Variants in ZNF292 observed in about 807,000 individuals in gnomAD.
ZNF292 encodes the protein 16 zinc-finger domain protein.
In ZNF292, 26 loss-of-function variants were observed where a neutral mutation model predicts 217.9. The observed-to-expected ratio is 0.12, with a 90% CI of 0.09 to 0.17. ZNF292 has a LOEUF of 0.17. Ranked by LOEUF, ZNF292 falls within the 10% of genes least tolerant of loss-of-function variation. The probability of loss-of-function intolerance (pLI) is 1.00; values close to 1 mark genes in which losing one functional copy is unlikely to be tolerated. For missense variants in ZNF292, 2,904 were observed against 3,175.2 expected, an observed-to-expected ratio of 0.91 and a Z score of 2.05; for synonymous variants, 1,257 against 1,124.1, an observed-to-expected ratio of 1.12 and a Z score of -2.37.
intron 7 of ZNF292, among the ~76,000 whole-genome samples, chr6:87,248,904 A>T (rs1774748222): frequency 6.6e-6 from 1 of 152,216 alleles, no homozygotes; most frequent in South Asian, 2.1e-4. Context: ...TGCATTGTCC[A>T]TTATGGTAGT....
At chr6:87,194,137 C>A (rs951513284) in intron 1 of ZNF292, among the ~76,000 whole-genome samples, 1 of 151,998 alleles carries the variant, frequency 6.6e-6, no homozygotes, top group Admixed American at 6.6e-5. Flanking sequence ...AGAAAAGGCA[C>A]AGCTATCAGA....
intron 1 of ZNF292, among the ~76,000 whole-genome samples, chr6:87,164,031 G>A (rs1582366926): frequency 1.3e-5 from 2 of 152,176 alleles, no homozygotes; most frequent in South Asian, 2.1e-4. Flanking sequence ...CCCTTGTTTC[G>A]CCCACCTCGC....
In ZNF292 at chr6:87,258,327, C is replaced by G; in HGVS notation, c.4698C>G (p.Ser1566Arg). The change falls in exon 8 of 8, where the codon AGC becomes AGG. Residue 1566 changes from serine (S) to arginine (R), a missense_variant. Around this residue, in one of 15 missense-constraint regions of ZNF292, gnomAD observed 622 missense variants for 573.1 expected, o/e 1.09. Coordinates refer to ENST00000369577, the MANE Select transcript of ZNF292 (RefSeq NM_015021.3). ...SKTSSIEECS[S>R]LPVFPTNDLL... ...CTTCCTCCATTGAGGAATGTAGCAG[C>G]TTGCCTGTTTTTCCAACGAATGACT... 2 of 1,613,628 alleles carry G rather than the reference C, an allele frequency of 1.2e-6. No homozygotes were observed. Among genetic ancestry groups the G allele is most frequent in the Non-Finnish European group, 1.7e-6 (2 of 1,179,750 alleles).
At chr6:87,229,680 C>T (rs1171980582) in intron 4 of ZNF292, among the ~76,000 whole-genome samples, 1 of 152,188 alleles carries the variant, frequency 6.6e-6, no homozygotes, top group African/African-American at 2.4e-5. Flanking sequence ...CCTGCCTTGG[C>T]CTCCCAAAGT....
Position 87,187,275 on chromosome 6 carries a change from A to G in ZNF292, c.169-28628A>G, listed in dbSNP as rs148289918. Among the ~76,000 whole-genome samples the G allele has an allele frequency of 7.8e-3, 1,192 of 152,302 alleles. 11 individuals are homozygous for G. Among genetic ancestry groups the G allele is most frequent in the African/African-American group, 0.027 (1,121 of 41,550 alleles). On this transcript the variant is annotated intron_variant, in intron 1 of 7. Transcript: ENST00000369577. ...TAAAGTTTAAAAGAAAATCTTGTTC[A>G]GTAACTCACTTTACTAAATCTCTGT...
At chr6:87,236,365 C>T (rs1407446229) in intron 5 of ZNF292, among the ~76,000 whole-genome samples, 2 of 150,458 alleles carry the variant, frequency 1.3e-5, no homozygotes, top group African/African-American at 4.9e-5. Context: ...ATAGAAATAG[C>T]AGCTAGTTGA....
At chr6:87,217,151 C>T (rs1360772772) in intron 3 of ZNF292, among the ~76,000 whole-genome samples, 1 of 151,896 alleles carries the variant, frequency 6.6e-6, no homozygotes, top group Admixed American at 6.6e-5. Context: ...TATCTTTAGG[C>T]CTTAAGATTT....
chr6:87,246,302 C>T (rs1774579690), intron 7 of ZNF292, among the ~76,000 whole-genome samples: 1 of 152,220 alleles, frequency 6.6e-6, no homozygotes, highest in African/African-American at 2.4e-5. Context: ...CTAGGTTCCT[C>T]TGCTAGCAGA....
At chr6:87,228,909 C>G (rs1773509846) in intron 4 of ZNF292, among the ~76,000 whole-genome samples, 1 of 151,794 alleles carries the variant, frequency 6.6e-6, no homozygotes, top group African/African-American at 2.4e-5. Flanking sequence ...CTTAAAGATT[C>G]TATATGAATT....
In ZNF292 at chr6:87,245,601, C is replaced by T; in HGVS notation, c.977C>T (p.Thr326Ile). 6.5e-7 allele frequency: 1 copy of T among 1,536,610 alleles called. No individual in the cohort carries two copies. Among genetic ancestry groups the T allele is most frequent in the African/African-American group, 1.4e-5 (1 of 72,740 alleles). Reference sequence around the variant, plus strand: ...CGTCAACTTTCTTTGTTAACGAAAACAGTATATCACATTTTCTTCCTGATT... The same window carrying T: ...CGTCAACTTTCTTTGTTAACGAAAATAGTATATCACATTTTCTTCCTGATT... Reference protein sequence around the residue: ...RCRQLSLLTKTVYHIFFLIKV... With the variant: ...RCRQLSLLTKIVYHIFFLIKV... Residue 326 changes from threonine to isoleucine, a missense_variant, in exon 7 of 8, where the codon ACA becomes ATA. Around this residue, in one of 15 missense-constraint regions of ZNF292, gnomAD observed 313 missense variants for 451.0 expected, o/e 0.69. Coordinates refer to ENST00000369577, the MANE Select transcript of ZNF292 (RefSeq NM_015021.3).
In ZNF292 at chr6:87,243,519, C is replaced by T; in HGVS notation, c.786C>T (p.Asn262=). The T allele has an allele frequency of 1.3e-6, 2 of 1,555,724 alleles. No homozygotes were observed. Among genetic ancestry groups the T allele is most frequent in the Non-Finnish European group, 1.7e-6 (2 of 1,149,552 alleles). Residue 262 remains asparagine, a synonymous_variant, in exon 6 of 8, where the codon AAC becomes AAT. Transcript: ENST00000369577. ...AAGATGCACTGGAAATGATCTGTAA[C>T]TTAGAATCTGAGGGTGATGAAAAAA... ...DCKDALEMIC[N]LESEGDEKSA... is the part of the protein sequence containing the mutation.
intron 1 of ZNF292, among the ~76,000 whole-genome samples, chr6:87,201,142 C>CT (rs1238097701): frequency 6.6e-6 from 1 of 152,042 alleles, no homozygotes; most frequent in African/African-American, 2.4e-5. Flanking sequence ...CCGAGGTAGA[C>CT]TTATATTTAT....
rs148896435 is a variant in ZNF292, at chr6:87,185,940, C to T, written c.169-29963C>T. ...CACCTCCCTCCAGAAACCTCATGCA[C>T]GTTCGGCTCTCCAGAAATTCCTGAA... is the stretch of plus-strand genomic sequence containing the variant. On this transcript the variant is annotated intron_variant, in intron 1 of 7. Coordinates refer to ENST00000369577, the MANE Select transcript of ZNF292 (RefSeq NM_015021.3). 2.4e-4 allele frequency among the ~76,000 whole-genome samples: 37 copies of T among 152,288 alleles called. No homozygotes were observed. In the East Asian group the frequency reaches 6.4e-3, roughly 26 times the overall value.
rs183739255 is a variant in ZNF292, at chr6:87,231,803, A to C, written c.539-1522A>C. On this transcript the variant is annotated intron_variant, in intron 4 of 7. Coordinates refer to ENST00000369577, the MANE Select transcript of ZNF292 (RefSeq NM_015021.3). ...TGTTGATTGTGACTTTTTTGTGAGAATATTTGCAATAATTCCCAGACTTTG... is the reference window on the plus strand; with the variant it reads ...TGTTGATTGTGACTTTTTTGTGAGACTATTTGCAATAATTCCCAGACTTTG... 2.0e-5 allele frequency among the ~76,000 whole-genome samples: 3 copies of C among 152,298 alleles called. No homozygotes were observed. The East Asian group carries it at 5.8e-4, about 29-fold the overall frequency.
In ZNF292 at chr6:87,258,527, A is replaced by G. The variant is rs780845815; in HGVS notation, c.4898A>G (p.Lys1633Arg). The G allele has an allele frequency of 6.2e-7, 1 of 1,613,666 alleles. No homozygotes were observed. Among genetic ancestry groups the G allele is most frequent in the South Asian group, 1.1e-5 (1 of 91,072 alleles). ...KGNSASKRRK[K>R]VAPPLIAPNA... ...AACAGTGCTTCTAAGAGAAGAAAGA[A>G]AGTTGCTCCTCCACTAATTGCACCT... The change falls in exon 8 of 8, where the codon AAA (lysine) becomes AGA (arginine). Residue 1633 changes from lysine to arginine, a missense_variant. Transcript: ENST00000369577.
intron 1 of ZNF292, among the ~76,000 whole-genome samples, chr6:87,187,980 T>A (rs1394068911): frequency 6.6e-6 from 1 of 152,180 alleles, no homozygotes; most frequent in East Asian, 1.9e-4. Flanking sequence ...TTGCTGAGTC[T>A]TTTGATTTTT....
At chr6:87,247,187 A>AG (rs1004369444) in intron 7 of ZNF292, among the ~76,000 whole-genome samples, 8 of 150,226 alleles carry the variant, frequency 5.3e-5, no homozygotes, top group African/African-American at 2.0e-4. Context: ...AAAAAAAAAA[A>AG]GATCTTGGGC....
At chr6:87,238,485 CA>C (rs752151881) in intron 5 of ZNF292, among the ~76,000 whole-genome samples, 3,307 of 99,648 alleles carry the variant, frequency 0.033, 102 homozygotes, top group African/African-American at 0.11. Flanking sequence ...GTCTCCATCT[CA>C]AAAAAAAAAA....
intron 6 of ZNF292, among the ~76,000 whole-genome samples, chr6:87,245,123 C>A (rs1774505132): frequency 6.6e-6 from 1 of 152,048 alleles, no homozygotes; most frequent in Admixed American, 6.5e-5. Flanking sequence ...CGCCTGTAAT[C>A]CCAGCTACTC....
Sources: allele counts gnomAD v4.1 joint callset (sites outside exome capture counted in the v4.1 genomes callset), GRCh38; gene constraint gnomAD v4.1.1; regional missense constraint gnomAD v4.1.1; transcripts MANE v1.5; gene names NCBI Gene and HGNC (gene_info 2026-07-23, HGNC 2026-07-21).